Variants in ESF1 observed in about 807,000 individuals in gnomAD.
ESF1 encodes the protein ESF1 homolog.
A neutral mutation model predicts 92.0 loss-of-function variants in ESF1; 58 were observed. The observed-to-expected ratio is 0.63, with a 90% confidence interval of 0.51 to 0.78. The LOEUF (loss-of-function observed/expected upper bound fraction) is 0.78, where lower values mean the gene tolerates loss of function less well. Ranked by LOEUF, ESF1 falls within the 30% of genes least tolerant of loss-of-function variation. The probability of loss-of-function intolerance (pLI) is 0.00; values close to 1 mark genes in which losing one functional copy is unlikely to be tolerated. For missense variants in ESF1, 922 were observed against 989.1 expected, an observed-to-expected ratio of 0.93 and a Z score of 0.91; for synonymous variants, 321 against 313.7, an observed-to-expected ratio of 1.02 and a Z score of -0.24.
At chr20:13,749,846 C>T (rs1978547183) in intron 9 of ESF1, among the ~76,000 whole-genome samples, 1 of 152,126 alleles carries the variant, frequency 6.6e-6, no homozygotes, top group Non-Finnish European at 1.5e-5. Flanking sequence ...GGATTACAGG[C>T]ATGAGCCACC....
chr20:13,764,980 T>C (rs568567649), intron 8 of ESF1, among the ~76,000 whole-genome samples: 83 of 151,506 alleles, frequency 5.5e-4, no homozygotes, highest in African/African-American at 2.0e-3. Context: ...CCCAGCACTC[T>C]GGGAAGCTGA....
At chr20:13,731,607 T>G (rs2049943703) in intron 10 of ESF1, among the ~76,000 whole-genome samples, 1 of 151,940 alleles carries the variant, frequency 6.6e-6, no homozygotes, top group South Asian at 2.1e-4. Context: ...AGAAGAGAGT[T>G]AGTTAGCACA....
intron 9 of ESF1, among the ~76,000 whole-genome samples, chr20:13,757,917 T>A (rs1000302884): frequency 6.6e-6 from 1 of 152,234 alleles, no homozygotes; most frequent in African/African-American, 2.4e-5. Flanking sequence ...AAGCTCATTC[T>A]AAGATTAGAA....
In ESF1 at chr20:13,770,426, T is replaced by C. The variant is rs149081087; in HGVS notation, c.1404-405A>G. Among the ~76,000 whole-genome samples the C allele has an allele frequency of 5.0e-4, 76 of 152,336 alleles. No homozygotes were observed. The East Asian group carries it at 0.014, about 29-fold the overall frequency. ...CTCCATCACCCAGGTTGGAGGTCCA[T>C]GGCATAATCATGGCTCACTGAAGTC... On this transcript the variant is annotated intron_variant, in intron 6 of 13. Transcript: ENST00000617257.
chr20:13,723,747 G>T lies in ESF1; in HGVS notation c.2038+4631C>A, dbSNP rs2049883339. On this transcript the variant is annotated intron_variant, in intron 11 of 13. Transcript: ENST00000617257. ...TGTTATAAATGTACCCAAGTCATCT[G>T]GTTTACAATGTTTTTGTCCTGTTTA... is the stretch of plus-strand genomic sequence containing the variant. Among the ~76,000 whole-genome samples, 4 of 152,170 alleles carry T rather than the reference G, an allele frequency of 2.6e-5. No homozygotes were observed. The South Asian group carries it at 8.3e-4, about 32-fold the overall frequency.
intron 9 of ESF1, among the ~76,000 whole-genome samples, chr20:13,750,385 G>C (rs1028400629): frequency 6.6e-5 from 10 of 152,090 alleles, no homozygotes; most frequent in African/African-American, 2.4e-4. Flanking sequence ...TGTGCCTGTA[G>C]TCCCAGCTAC....
intron 7 of ESF1, among the ~76,000 whole-genome samples, chr20:13,768,099 G>T (rs1308055306): frequency 6.6e-6 from 1 of 152,166 alleles, no homozygotes; most frequent in African/African-American, 2.4e-5. Flanking sequence ...TCATGTGACT[G>T]AATTTTTTAG....
chr20:13,737,449 G>T (rs180677687), intron 9 of ESF1, among the ~76,000 whole-genome samples: 4 of 152,274 alleles, frequency 2.6e-5, no homozygotes, highest in Non-Finnish European at 5.9e-5. Flanking sequence ...GGCAGGAGAT[G>T]AACAACTTAA....
At chr20:13,750,418 T>C (rs951686057) in intron 9 of ESF1, among the ~76,000 whole-genome samples, 3 of 152,080 alleles carry the variant, frequency 2.0e-5, no homozygotes, top group African/African-American at 4.8e-5. Flanking sequence ...GGCAGGAGAA[T>C]TGCTTGAACG....
chr20:13,777,690 A>T (rs574959623), intron 2 of ESF1, among the ~76,000 whole-genome samples: 1 of 152,350 alleles, frequency 6.6e-6, no homozygotes, highest in East Asian at 1.9e-4. Context: ...TGGAAATTTT[A>T]GTCCTCACAA....
At chr20:13,717,581 T>C (rs1449979074) in intron 12 of ESF1, 67 bp from the exon 13 acceptor site, 3 of 1,566,736 alleles carry the variant, frequency 1.9e-6, no homozygotes, top group African/African-American at 1.4e-5. Flanking sequence ...AAAAGGAGTA[T>C]AGGGCAGAAG....
At chr20:13,777,253 A>G (rs952495193) in intron 2 of ESF1, among the ~76,000 whole-genome samples, 2 of 152,214 alleles carry the variant, frequency 1.3e-5, no homozygotes, top group East Asian at 1.9e-4. Flanking sequence ...AGTGAAACCA[A>G]TAATTACCGA....
At chr20:13,749,442 A>C (rs1418840563) in intron 9 of ESF1, among the ~76,000 whole-genome samples, 1 of 152,094 alleles carries the variant, frequency 6.6e-6, no homozygotes, top group Admixed American at 6.6e-5. Flanking sequence ...TACCAACGGG[A>C]ACTCAGTGGT....
intron 11 of ESF1, among the ~76,000 whole-genome samples, chr20:13,727,856 T>C (rs765380752): frequency 7.2e-5 from 11 of 152,128 alleles, no homozygotes; most frequent in Non-Finnish European, 1.6e-4. Flanking sequence ...AAATGAAACA[T>C]AGATGCTTTT....
rs754502902 is a variant in ESF1, at chr20:13,759,758, C to A, written c.1762G>T (p.Val588Phe). The change falls in exon 9 of 14, where the codon GTT becomes TTT. Residue 588 changes from valine (V) to phenylalanine (F), a missense_variant. Val to Phe is a conservative substitution (Grantham distance 50). Transcript: ENST00000617257. ...CCTTTCTTTTCTTTTTCTTGAATAA[C>A]CTGCAAGAGCTGCCTGTATTTAGCA... The part of the protein sequence containing the change: ...QIAKYRQLLQ[V>F]IQEKEKKGKE... The A allele has an allele frequency of 2.6e-6, 4 of 1,568,392 alleles. No individual in the cohort carries two copies. The highest frequency in any genetic ancestry group is 2.6e-6 in the Non-Finnish European group (3 of 1,166,990).
At chr20:13,732,397 A>G (rs1479846888) in intron 10 of ESF1, among the ~76,000 whole-genome samples, 1 of 152,216 alleles carries the variant, frequency 6.6e-6, no homozygotes, top group Admixed American at 6.5e-5. Context: ...CATTTCCACA[A>G]ACACTGACTA....
At chr20:13,728,753 G>A (rs1226850387) in intron 10 of ESF1, among the ~76,000 whole-genome samples, 2 of 151,868 alleles carry the variant, frequency 1.3e-5, no homozygotes, top group East Asian at 1.9e-4. Context: ...TGTAGTCCCA[G>A]CTCCTCGTGA....
In ESF1 at chr20:13,771,420, T is replaced by C. The variant is rs1979677928; in HGVS notation, c.1314A>G (p.Val438=). The change falls in exon 6 of 14, where the codon GTA becomes GTG. Residue 438 remains valine, a synonymous_variant. Transcript: ENST00000617257. ...TAGCTGTTTCCGGAGAATCACAGTC[T>C]ACTACTGCATAATAGTACTTCAGTC... ...FKRLKYYYAV[V]DCDSPETASK... is the part of the protein sequence containing the mutation. 5.0e-6 allele frequency: 8 copies of C among 1,612,944 alleles called. No homozygotes were observed. Among genetic ancestry groups the C allele is most frequent in the Non-Finnish European group, 6.8e-6 (8 of 1,179,150 alleles).
At chr20:13,732,922 AT>A (rs1451995769) in intron 10 of ESF1, among the ~76,000 whole-genome samples, 4 of 151,400 alleles carry the variant, frequency 2.6e-5, no homozygotes, top group African/African-American at 9.7e-5. Context: ...TTATTTATTT[AT>A]TTATTTATTT....
Sources: allele counts gnomAD v4.1 joint callset (sites outside exome capture counted in the v4.1 genomes callset), GRCh38; gene constraint gnomAD v4.1.1; transcripts MANE v1.5; gene names NCBI Gene and HGNC (gene_info 2026-07-23, HGNC 2026-07-21).